POLA1: variants seen among roughly 807,000 people sequenced by gnomAD.
POLA1 encodes the protein DNA polymerase alpha catalytic subunit.
Under a neutral mutation model 124.0 loss-of-function variants are expected in POLA1, and 15 were observed. The ratio of observed to expected loss-of-function variants is 0.12; its 90% CI spans 0.08 to 0.19. The LOEUF is 0.19. Among genes scored for constraint, POLA1 ranks in the 10% least tolerant of loss-of-function variants. The pLI is 1.00. For synonymous variants in POLA1, 408 were observed against 389.4 expected, an observed-to-expected ratio of 1.05 and a Z score of -0.56; for missense variants, 886 against 1,103.4, an observed-to-expected ratio of 0.80 and a Z score of 2.79.
At chrX:24,942,765 A>C (rs2047921050) in intron 36 of POLA1, among the ~76,000 whole-genome samples, 1 of 112,085 alleles carries the variant, frequency 8.9e-6, no homozygotes, top group Non-Finnish European at 1.9e-5. Context: ...ATCTCTGCTC[A>C]CTGCAGCCTC....
intron 36 of POLA1, among the ~76,000 whole-genome samples, chrX:24,934,048 G>A (rs765988676): frequency 6.3e-5 from 7 of 111,881 alleles, no homozygotes; most frequent in Non-Finnish European, 1.3e-4. Context: ...CAGGAACATA[G>A]GGGCAATCTA....
chrX:24,843,814 T>C (rs2046440072), intron 34 of POLA1, 137 bp downstream of exon 34: 2 of 324,365 alleles, frequency 6.2e-6, no homozygotes, highest in Non-Finnish European at 5.3e-6. Context: ...ACAAATATGA[T>C]AAAGTATGTA....
intron 34 of POLA1, among the ~76,000 whole-genome samples, chrX:24,856,536 G>A (rs998098758): frequency 5.4e-5 from 6 of 111,900 alleles, no homozygotes; most frequent in African/African-American, 1.9e-4. Context: ...TGGCTCATAT[G>A]CTAAGTGTAT....
At chrX:24,896,728 G>T (rs1481860570) in intron 35 of POLA1, among the ~76,000 whole-genome samples, 1 of 112,077 alleles carries the variant, frequency 8.9e-6, no homozygotes, top group African/African-American at 3.2e-5. Context: ...GTGATTGGTT[G>T]GGTACAGAGA....
intron 36 of POLA1, among the ~76,000 whole-genome samples, chrX:24,979,397 C>T (rs1266761992): frequency 8.9e-6 from 1 of 112,270 alleles, no homozygotes; most frequent in Non-Finnish European, 1.9e-5. Context: ...ATGGCCGACA[C>T]ATCCATCAAT....
chrX:24,847,080 G>A (rs1484204321), intron 34 of POLA1, among the ~76,000 whole-genome samples: 2 of 111,725 alleles, frequency 1.8e-5, no homozygotes, highest in Admixed American at 1.9e-4. Context: ...GTCAAGTGCT[G>A]CTGGGAAGTT....
At chrX:24,903,958 C>T (rs1403480877) in intron 35 of POLA1, among the ~76,000 whole-genome samples, 1 of 98,512 alleles carries the variant, frequency 1.0e-5, no homozygotes, top group Non-Finnish European at 2.0e-5. Context: ...TTTTTTAAGA[C>T]CGGTTCTTAC....
At chrX:24,706,588 A>G (rs1928823328) in intron 4 of POLA1, among the ~76,000 whole-genome samples, 1 of 112,319 alleles carries the variant, frequency 8.9e-6, no homozygotes, top group African/African-American at 3.2e-5. Flanking sequence ...CCAATTCTAT[A>G]TTTGTATCTG....
intron 26 of POLA1, chrX:24,775,134 TAGAGTG>T (rs964765073): frequency 8.9e-6 from 1 of 111,810 alleles, no homozygotes; most frequent in African/African-American, 3.3e-5. Context: ...AGGAAAACTT[TAGAGTG>T]AAAGTCCTGA....
At chrX:24,719,990 C>T (rs777987590) in intron 10 of POLA1, among the ~76,000 whole-genome samples, 11 of 109,631 alleles carry the variant, frequency 1.0e-4, no homozygotes, top group Admixed American at 8.7e-4. Flanking sequence ...CCATGTCAGT[C>T]GTCATTAAAA....
intron 28 of POLA1, among the ~76,000 whole-genome samples, 176 bp downstream of exon 28, chrX:24,810,976 G>T (rs887896651): frequency 9.0e-6 from 1 of 111,126 alleles, no homozygotes; most frequent in Non-Finnish European, 1.9e-5. Flanking sequence ...CTGAGACAGG[G>T]TCTCACTCTG....
intron 10 of POLA1, among the ~76,000 whole-genome samples, chrX:24,719,512 T>C (rs1437792521): frequency 8.9e-6 from 1 of 111,834 alleles, no homozygotes; most frequent in Non-Finnish European, 1.9e-5. Flanking sequence ...CTGGCAAGTA[T>C]GATTACATGA....
chrX:24,810,617 G>A, intron 27 of POLA1, 91 bp from the exon 28 acceptor site: 1 of 421,849 alleles, frequency 2.4e-6, no homozygotes, highest in Non-Finnish European at 4.1e-6. Context: ...TGTGGAGCCT[G>A]TAATTTCTGT....
intron 35 of POLA1, among the ~76,000 whole-genome samples, chrX:24,922,378 C>G (rs991054682): frequency 3.6e-5 from 4 of 110,621 alleles, no homozygotes; most frequent in Non-Finnish European, 7.6e-5. Flanking sequence ...AGCCACTGTT[C>G]CTGGCCCCAT....
At chrX:24,816,253 T>C (rs1171334383) in intron 30 of POLA1, among the ~76,000 whole-genome samples, 1 of 112,610 alleles carries the variant, frequency 8.9e-6, no homozygotes, top group African/African-American at 3.2e-5. Context: ...TATGCCAGTT[T>C]CACCACAGTT....
intron 21 of POLA1, 125 bp from the exon 22 acceptor site, chrX:24,741,873 TAAAA>T (rs1247984512): frequency 7.7e-6 from 3 of 391,122 alleles, no homozygotes; most frequent in Non-Finnish European, 1.3e-5. Context: ...TTTTTTTTTT[TAAAA>T]AAAAAGCAGA....
intron 26 of POLA1, among the ~76,000 whole-genome samples, chrX:24,792,812 T>G (rs2045527955): frequency 8.9e-6 from 1 of 111,827 alleles, no homozygotes; most frequent in African/African-American, 3.2e-5. Context: ...ATTAATAATA[T>G]AGTAATTTCC....
chrX:24,733,346 C>G (rs1931055984), intron 16 of POLA1, among the ~76,000 whole-genome samples: 1 of 112,261 alleles, frequency 8.9e-6, no homozygotes, highest in Non-Finnish European at 1.9e-5. Flanking sequence ...ATGTGAACAG[C>G]TGTTGTGTAT....
At chrX:24,860,623 G>A (rs2046703762) in intron 34 of POLA1, among the ~76,000 whole-genome samples, 1 of 112,571 alleles carries the variant, frequency 8.9e-6, no homozygotes, top group African/African-American at 3.2e-5. Flanking sequence ...TTCTGGGGTT[G>A]CTAGTAGAAG....
Sources: allele counts gnomAD v4.1 joint callset (sites outside exome capture counted in the v4.1 genomes callset), GRCh38; gene constraint gnomAD v4.1.1; transcripts MANE v1.5; gene names NCBI Gene and HGNC (gene_info 2026-07-23, HGNC 2026-07-21).